Variants in ADRA1A observed in about 807,000 individuals in gnomAD.
The protein encoded by ADRA1A is adrenoceptor alpha 1A.
A neutral mutation model predicts 29.6 loss-of-function variants in ADRA1A; 31 were observed. The observed-to-expected ratio is 1.05, with a 90% CI of 0.79 to 1.41. The LOEUF (loss-of-function observed/expected upper bound fraction) is 1.41. Ranked by LOEUF, ADRA1A falls within the 40% of genes most tolerant of loss-of-function variation. The pLI is 0.00. For synonymous variants in ADRA1A, 311 were observed against 254.3 expected, an observed-to-expected ratio of 1.22 and a Z score of -2.12; for missense variants, 619 against 601.1, an observed-to-expected ratio of 1.03 and a Z score of -0.31.
At chr8:26,799,045 C>T (rs956927449) in intron 2 of ADRA1A, among the ~76,000 whole-genome samples, 3 of 152,028 alleles carry the variant, frequency 2.0e-5, no homozygotes, top group South Asian at 2.1e-4. Context: ...ATTTAATGAA[C>T]TAAAAAAGCC....
At chr8:26,852,162 G>A (rs1204707019) in intron 2 of ADRA1A, among the ~76,000 whole-genome samples, 2 of 152,106 alleles carry the variant, frequency 1.3e-5, no homozygotes, top group African/African-American at 4.8e-5. Flanking sequence ...TGTCTACACA[G>A]GACAAGGGAA....
chr8:26,776,070 T>C (rs1200560347), intron 2 of ADRA1A, among the ~76,000 whole-genome samples: 1 of 152,216 alleles, frequency 6.6e-6, no homozygotes, highest in East Asian at 1.9e-4. Flanking sequence ...TTTACAGTTA[T>C]AAAATTACAG....
downstream of ADRA1A, chr8:26,766,190 A>T (rs746107545): frequency 7.9e-7 from 1 of 1,273,264 alleles, no homozygotes. Flanking sequence ...GGTGAGTGAG[A>T]GTGAGTTATG....
In ADRA1A at chr8:26,865,452, G is replaced by T; in HGVS notation, c.-483C>A. 1 of 1,002,102 alleles carries T rather than the reference G, an allele frequency of 1.0e-6. No individual in the cohort carries two copies. The highest frequency in any genetic ancestry group is 1.2e-6 in the Non-Finnish European group (1 of 840,206). The allele number at this position is 1,002,102 out of a possible 1,614,324, so 62.1% of individuals were successfully genotyped here. A position where few individuals can be genotyped will look rare whatever the true frequency, so the allele number is the denominator to read the frequency against. The stretch of plus-strand genomic sequence containing the variant: ...CCCTCAAACCAAAAGATCAGCCGTC[G>T]ACGCTCAAAGGCAGGGACCGATGGT... On this transcript the variant is annotated 5_prime_UTR_variant, in exon 2 of 3. Coordinates refer to ENST00000380573, the MANE Select transcript of ADRA1A (RefSeq NM_000680.4). This position sits in a 1 kb window ranked among gnomAD's most constrained non-coding sequence, Gnocchi z 7.6.
At chr8:26,789,148 T>C (rs138907607) in intron 2 of ADRA1A, among the ~76,000 whole-genome samples, 136 of 151,896 alleles carry the variant, frequency 9.0e-4, no homozygotes, top group African/African-American at 3.2e-3. Flanking sequence ...TCCCCTAAAT[T>C]GTTTTTAAAA....
chr8:26,855,519 A>G (rs1048159415), intron 2 of ADRA1A, among the ~76,000 whole-genome samples: 1 of 152,158 alleles, frequency 6.6e-6, no homozygotes, highest in African/African-American at 2.4e-5. Flanking sequence ...ATATAAAAAG[A>G]AATGTTCAAA....
At chr8:26,766,204 T>A, downstream of ADRA1A, 1 of 1,176,712 alleles carries the variant, frequency 8.5e-7, no homozygotes, top group Non-Finnish European at 1.3e-6. Context: ...AGTTATGTCG[T>A]ATTTGCTTTC....
At chr8:26,842,320 T>C (rs755357974) in intron 2 of ADRA1A, among the ~76,000 whole-genome samples, 5 of 152,224 alleles carry the variant, frequency 3.3e-5, no homozygotes, top group African/African-American at 4.8e-5. Context: ...TAGTTCCAGA[T>C]AGTTTCACTT....
chr8:26,847,432 A>G (rs1449592918), intron 2 of ADRA1A, among the ~76,000 whole-genome samples: 1 of 152,088 alleles, frequency 6.6e-6, no homozygotes, highest in Non-Finnish European at 1.5e-5. Context: ...CCCATTTCTG[A>G]GATTGTTCTT....
intron 2 of ADRA1A, among the ~76,000 whole-genome samples, chr8:26,852,626 C>T (rs1012913570): frequency 1.3e-5 from 2 of 152,164 alleles, no homozygotes; most frequent in African/African-American, 4.8e-5. Context: ...TCAAATCTGA[C>T]GATCAGAACA....
chr8:26,850,258 AAAAT>A (rs1272868872), intron 2 of ADRA1A, among the ~76,000 whole-genome samples: 2 of 152,178 alleles, frequency 1.3e-5, no homozygotes, highest in African/African-American at 4.8e-5. Context: ...TCTTAGTTGA[AAAAT>A]AAATACACAA....
At chr8:26,785,109 T>A (rs183608232) in intron 2 of ADRA1A, among the ~76,000 whole-genome samples, 6 of 152,272 alleles carry the variant, frequency 3.9e-5, no homozygotes, top group African/African-American at 1.4e-4. Flanking sequence ...GAATGTTGAA[T>A]GAATGAAAAA....
chr8:26,812,690 G>A (rs557055480), intron 2 of ADRA1A, among the ~76,000 whole-genome samples: 124 of 149,854 alleles, frequency 8.3e-4, no homozygotes, highest in East Asian at 2.0e-3. Flanking sequence ...TTTGAGATGG[G>A]GTCTCACTCT....
intron 2 of ADRA1A, among the ~76,000 whole-genome samples, chr8:26,826,309 G>A (rs968161941): frequency 2.4e-4 from 36 of 152,328 alleles, no homozygotes; most frequent in African/African-American, 8.7e-4. Flanking sequence ...AGGGACCCAG[G>A]CTCCTTCCAC....
At chr8:26,809,867 T>A (rs866581192) in intron 2 of ADRA1A, among the ~76,000 whole-genome samples, 3 of 152,204 alleles carry the variant, frequency 2.0e-5, no homozygotes, top group African/African-American at 7.2e-5. Context: ...CCTCTCTAAA[T>A]AGCTCGCTAT....
In ADRA1A at chr8:26,825,035, T is replaced by TG. The variant is rs35564965; in HGVS notation, c.883+39051dup. On this transcript the variant is annotated intron_variant, in intron 2 of 2. Transcript: ENST00000380573. This position sits in a 1 kb window ranked among gnomAD's most constrained non-coding sequence, Gnocchi z 5.7. ...AGCCGGCAGATCTGCAGTGTGGAAT[T>TG]GAGTTACCAGTGGAGCAACATGCCA... 0.31 allele frequency among the ~76,000 whole-genome samples: 47,484 copies of TG among 151,990 alleles called. 7,892 individuals carry two copies. Among genetic ancestry groups the TG allele is most frequent in the East Asian group, 0.5 (2,558 of 5,120 alleles).
At chr8:26,758,355 A>T (rs1245628777) in intron 2 of ADRA1A, among the ~76,000 whole-genome samples, 1 of 152,252 alleles carries the variant, frequency 6.6e-6, no homozygotes, top group African/African-American at 2.4e-5. Context: ...CTCTTCCTGC[A>T]CATGGCACTT....
chr8:26,751,939 C>T (rs1804940353), downstream of ADRA1A, among the ~76,000 whole-genome samples: 1 of 152,162 alleles, frequency 6.6e-6, no homozygotes, highest in Admixed American at 6.5e-5. Context: ...CTTGTACAGG[C>T]TCTTGAGAGC....
chr8:26,861,211 T>C (rs1813427279), intron 2 of ADRA1A, among the ~76,000 whole-genome samples: 1 of 151,882 alleles, frequency 6.6e-6, no homozygotes, highest in Admixed American at 6.6e-5. Context: ...GACATCACAT[T>C]CTCCTGATTT....
Sources: gnomAD v4.1 joint callset for allele counts (sites outside exome capture counted in the v4.1 genomes callset) on GRCh38, gnomAD v4.1.1 for gene constraint, Gnocchi (gnomAD v3.1) non-coding constraint, MANE v1.5 for transcripts, NCBI Gene and HGNC (gene_info 2026-07-23, HGNC 2026-07-21) for gene names.